Variants in NHSL2 observed in about 807,000 individuals in gnomAD.
NHSL2 encodes the protein NHS like 2, also known as NHS-like protein 2.
Under a neutral mutation model 53.4 loss-of-function variants are expected in NHSL2, and 27 were observed. That is an observed-to-expected ratio of 0.51 (90% CI 0.37 to 0.70). The LOEUF is 0.70. Ranked by LOEUF, NHSL2 falls within the 30% of genes least tolerant of loss-of-function variation. The probability of loss-of-function intolerance (pLI) is 0.00; values close to 1 mark genes in which losing one functional copy is unlikely to be tolerated. For missense variants in NHSL2, 892 were observed against 980.1 expected (o/e 0.91, Z 1.20); for synonymous variants, 408 against 404.1 (o/e 1.01, Z -0.12).
intron 1 of NHSL2, among the ~76,000 whole-genome samples, chrX:72,104,882 C>G (rs1381387339): frequency 1.8e-5 from 2 of 111,196 alleles, no homozygotes; most frequent in African/African-American, 6.6e-5. Flanking sequence ...AGAAAAGAGG[C>G]CAAGGCAGGG....
intron 1 of NHSL2, among the ~76,000 whole-genome samples, chrX:72,076,798 G>A (rs1012217818): frequency 4.5e-5 from 5 of 111,988 alleles, no homozygotes; most frequent in Non-Finnish European, 7.5e-5. Flanking sequence ...GGAGTAAATT[G>A]TCTTTGATGA....
At chrX:72,106,170 C>T (rs538573961) in intron 1 of NHSL2, among the ~76,000 whole-genome samples, 19 of 110,313 alleles carry the variant, frequency 1.7e-4, no homozygotes, top group African/African-American at 5.3e-4. Flanking sequence ...GAGATCGCGC[C>T]ACTGCACTCC....
intron 1 of NHSL2, among the ~76,000 whole-genome samples, chrX:72,078,113 G>A (rs1057389396): frequency 1.2e-4 from 13 of 113,018 alleles, no homozygotes; most frequent in African/African-American, 4.2e-4. Context: ...GGCTCAGAGA[G>A]GTTAAGTGAC....
Position 72,012,275 on chromosome X carries a change from A to AT in NHSL2, c.280+100918dup, listed in dbSNP as rs145334004. Among the ~76,000 whole-genome samples the AT allele has an allele frequency of 7.2e-3, 782 of 108,145 alleles. 4 individuals are homozygous for AT. The highest frequency in any genetic ancestry group is 0.021 in the African/African-American group (626 of 29,828). The allele number at this position is 108,145 out of a possible 115,157, so 93.9% of individuals were successfully genotyped here. The stretch of plus-strand genomic sequence containing the variant: ...TTTAAGTTTCTGATCCATTTTGTTG[A>AT]TTTTTTTTTTGTATAAGGTGTGAGA... On this transcript the variant is annotated intron_variant, in intron 1 of 7. Coordinates refer to ENST00000633930, the MANE Select transcript of NHSL2 (RefSeq NM_001013627.3).
intron 1 of NHSL2, among the ~76,000 whole-genome samples, chrX:71,931,238 T>C (rs1191494153): frequency 8.9e-6 from 1 of 112,450 alleles, no homozygotes; most frequent in Non-Finnish European, 1.9e-5. Flanking sequence ...TGTGGAATTA[T>C]AGTTCTTTAT....
intron 1 of NHSL2, among the ~76,000 whole-genome samples, chrX:72,078,589 C>T (rs1217069794): frequency 8.9e-6 from 1 of 111,848 alleles, no homozygotes; most frequent in African/African-American, 3.3e-5. Context: ...GTCTCCCCTC[C>T]CCTCCCATTT....
chrX:71,945,945 C>G (rs772572770), intron 1 of NHSL2, among the ~76,000 whole-genome samples: 1 of 112,068 alleles, frequency 8.9e-6, no homozygotes, highest in Non-Finnish European at 1.9e-5. Context: ...GTAACTTACC[C>G]AGGGAATAAT....
chrX:71,918,190 C>T (rs1228838652), intron 1 of NHSL2, among the ~76,000 whole-genome samples: 2 of 111,021 alleles, frequency 1.8e-5, no homozygotes, highest in African/African-American at 6.6e-5. Context: ...CCTGTGTGTC[C>T]CCGGCTGTGT....
intron 1 of NHSL2, among the ~76,000 whole-genome samples, chrX:72,092,005 C>T (rs1437449858): frequency 9.0e-6 from 1 of 111,369 alleles, no homozygotes; most frequent in Non-Finnish European, 1.9e-5. Context: ...CACACACACA[C>T]GCACCAAGAG....
chrX:72,122,211 AC>A (rs1040680758), intron 1 of NHSL2, among the ~76,000 whole-genome samples: 2 of 111,863 alleles, frequency 1.8e-5, no homozygotes, highest in Non-Finnish European at 3.8e-5. Flanking sequence ...AAAGACCAAG[AC>A]CCTGCCCTGG....
Position 72,005,490 on chromosome X carries a change from A to G in NHSL2, c.280+94123A>G, listed in dbSNP as rs2042090496. 2.7e-5 allele frequency among the ~76,000 whole-genome samples: 3 copies of G among 111,898 alleles called. No individual in the cohort carries two copies. In the Admixed American group the frequency reaches 2.8e-4, roughly 11 times the overall value. ...TTTAACCTCATGATTCCCTGACTCT[A>G]AAGGCCAGTAGTTCCCCGGAGTCAT... On this transcript the variant is annotated intron_variant, in intron 1 of 7. Coordinates refer to ENST00000633930, the MANE Select transcript of NHSL2 (RefSeq NM_001013627.3).
chrX:72,142,547 A>G lies in NHSL2; in HGVS notation c.3356+183A>G, dbSNP rs1347874049. 2.7e-5 allele frequency among the ~76,000 whole-genome samples: 3 copies of G among 111,551 alleles called. No homozygotes were observed. Among genetic ancestry groups the G allele is most frequent in the Non-Finnish European group, 5.6e-5 (3 of 53,148 alleles). ...CTGGAGGCTAAGTTCAGATACCCAC[A>G]TATGTGAGCGCAGTCCAGGGCCTCG... On this transcript the variant is annotated intron_variant, in intron 7 of 7. Coordinates refer to ENST00000633930, the MANE Select transcript of NHSL2 (RefSeq NM_001013627.3).
intron 1 of NHSL2, among the ~76,000 whole-genome samples, chrX:71,946,034 G>A (rs1025294810): frequency 8.9e-5 from 10 of 112,194 alleles, no homozygotes; most frequent in Admixed American, 2.8e-4. Context: ...CCGGCTGTGC[G>A]GCTGTGAATA....
chrX:72,144,426 C>T lies in NHSL2; in HGVS notation c.*852C>T, dbSNP rs1003557680. 30 of 716,670 alleles carry T rather than the reference C, an allele frequency of 4.2e-5. No individual in the cohort carries two copies. The highest frequency in any genetic ancestry group is 2.7e-4 in the East Asian group (4 of 14,805). The allele number at this position is 716,670 out of a possible 1,213,427, so 59.1% of individuals were successfully genotyped here. A position where few individuals can be genotyped will look rare whatever the true frequency, so the allele number is the denominator to read the frequency against. The stretch of plus-strand genomic sequence containing the variant: ...TGTCAACAGCGATAGGCAGGATCTG[C>T]GCCCAGCTCATGCTGCATTCTAAGA... On this transcript the variant is annotated 3_prime_UTR_variant, in exon 8 of 8. Coordinates refer to ENST00000633930, the MANE Select transcript of NHSL2 (RefSeq NM_001013627.3).
intron 1 of NHSL2, among the ~76,000 whole-genome samples, chrX:72,069,975 C>T (rs189954082): frequency 1.8e-5 from 2 of 112,165 alleles, no homozygotes; most frequent in African/African-American, 6.5e-5. Flanking sequence ...AGCCCCTTCG[C>T]CGGCAACCCT....
At chrX:72,077,460 C>T (rs1454251721) in intron 1 of NHSL2, among the ~76,000 whole-genome samples, 1 of 111,031 alleles carries the variant, frequency 9.0e-6, no homozygotes, top group Non-Finnish European at 1.9e-5. Context: ...GGCTCCCCAC[C>T]GCCCTCAATT....
At chrX:72,045,614 A>AC (rs2042301338) in intron 1 of NHSL2, among the ~76,000 whole-genome samples, 2 of 111,359 alleles carry the variant, frequency 1.8e-5, no homozygotes, top group African/African-American at 3.3e-5. Context: ...TGAGGAGGGA[A>AC]CCCCCCAGTC....
chrX:72,096,890 T>A (rs899398725), intron 1 of NHSL2, among the ~76,000 whole-genome samples: 1 of 112,086 alleles, frequency 8.9e-6, no homozygotes, highest in Non-Finnish European at 1.9e-5. Context: ...CCCGAGTAGC[T>A]GGGACTACAA....
At chrX:71,964,013 A>ATATATATATG (rs1569467097) in intron 1 of NHSL2, among the ~76,000 whole-genome samples, 2 of 6,162 alleles carry the variant, frequency 3.2e-4, no homozygotes, top group African/African-American at 6.7e-4. Flanking sequence ...ATATATATGT[A>ATATATATATG]TATATATATA....
Sources: allele counts gnomAD v4.1 joint callset (sites outside exome capture counted in the v4.1 genomes callset), GRCh38; gene constraint gnomAD v4.1.1; transcripts MANE v1.5; gene names NCBI Gene and HGNC (gene_info 2026-07-23, HGNC 2026-07-21).